GPC6: variants seen among roughly 807,000 people sequenced by gnomAD.
GPC6 encodes glypican 6, also known as glypican-6.
A neutral mutation model predicts 55.2 loss-of-function variants in GPC6; 14 were observed. The observed-to-expected ratio is 0.25, with a 90% CI of 0.17 to 0.40. The LOEUF is 0.40. Ranked by LOEUF, GPC6 falls within the 10% of genes least tolerant of loss-of-function variation. GPC6 has a pLI of 1.00. For synonymous variants in GPC6, 278 were observed against 259.6 expected (o/e 1.07, Z -0.68); for missense variants, 641 against 708.5 (o/e 0.90, Z 1.08).
chr13:93,572,182 C>T (rs553163981), intron 2 of GPC6, among the ~76,000 whole-genome samples: 1 of 152,282 alleles, frequency 6.6e-6, no homozygotes, highest in South Asian at 2.1e-4. Context: ...TGTAGACTTT[C>T]AGGAAGCCCT....
intron 4 of GPC6, among the ~76,000 whole-genome samples, chr13:94,126,365 A>G (rs891413287): frequency 6.6e-6 from 1 of 152,178 alleles, no homozygotes; most frequent in Non-Finnish European, 1.5e-5. Context: ...CCTGAGTGAC[A>G]GAGCAAGACC....
chr13:94,027,579 A>G, intron 3 of GPC6, 150 bp from the exon 4 acceptor site: 1 of 711,262 alleles, frequency 1.4e-6, no homozygotes, highest in Non-Finnish European at 2.4e-6. Flanking sequence ...TGCCAAGCAG[A>G]AGAATTCAAC....
At chr13:93,900,535 T>G (rs1196789861) in intron 3 of GPC6, among the ~76,000 whole-genome samples, 1 of 152,154 alleles carries the variant, frequency 6.6e-6, no homozygotes, top group Non-Finnish European at 1.5e-5. Context: ...CATAAAGAAA[T>G]CACCAGATGT....
chr13:93,912,542 G>T (rs565241027), intron 3 of GPC6, among the ~76,000 whole-genome samples: 7 of 152,062 alleles, frequency 4.6e-5, no homozygotes, highest in African/African-American at 1.7e-4. Flanking sequence ...AGGAGATCGA[G>T]ACCATCCTGG....
chr13:94,132,485 G>GC (rs1411344402), intron 4 of GPC6, among the ~76,000 whole-genome samples: 9 of 152,136 alleles, frequency 5.9e-5, no homozygotes, highest in African/African-American at 2.2e-4. Flanking sequence ...ATGGAACAGG[G>GC]CATTTTCTCC....
intron 2 of GPC6, among the ~76,000 whole-genome samples, chr13:93,776,071 G>T (rs1885456365): frequency 6.9e-6 from 1 of 144,002 alleles, no homozygotes; most frequent in African/African-American, 2.6e-5. Context: ...CTTTTTTTGG[G>T]GGGTGGGGGG....
At chr13:93,981,914 T>C (rs1312454754) in intron 3 of GPC6, among the ~76,000 whole-genome samples, 2 of 152,196 alleles carry the variant, frequency 1.3e-5, no homozygotes, top group African/African-American at 4.8e-5. Flanking sequence ...TATTCATCCA[T>C]GTGACCCAAT....
intron 4 of GPC6, among the ~76,000 whole-genome samples, chr13:94,165,473 T>A (rs1012581857): frequency 3.3e-5 from 5 of 151,990 alleles, no homozygotes; most frequent in Admixed American, 6.6e-5. Context: ...AATGACACGA[T>A]GGACTTTGGG....
intron 1 of GPC6, among the ~76,000 whole-genome samples, chr13:93,315,841 G>A (rs568897138): frequency 1.5e-4 from 23 of 151,752 alleles, no homozygotes; most frequent in African/African-American, 5.1e-4. Flanking sequence ...TTATCTCTGC[G>A]TACCACTGTT....
At chr13:94,105,900 C>T (rs1218220883) in intron 4 of GPC6, among the ~76,000 whole-genome samples, 2 of 152,046 alleles carry the variant, frequency 1.3e-5, no homozygotes, top group East Asian at 1.9e-4. Context: ...TGCTAAGCAT[C>T]CTACATTGAA....
At chr13:93,678,835 T>C (rs1304622693) in intron 2 of GPC6, among the ~76,000 whole-genome samples, 2 of 152,078 alleles carry the variant, frequency 1.3e-5, no homozygotes, top group Non-Finnish European at 2.9e-5. Flanking sequence ...TCAGAATCAG[T>C]ATGGAATGGA....
chr13:93,310,346 A>G (rs1879022450), intron 1 of GPC6, among the ~76,000 whole-genome samples: 2 of 152,108 alleles, frequency 1.3e-5, no homozygotes, highest in African/African-American at 4.8e-5. Flanking sequence ...GCTTCCTTCT[A>G]CGTCAGTTCC....
intron 1 of GPC6, among the ~76,000 whole-genome samples, chr13:93,386,323 T>C (rs1875404361): frequency 6.6e-6 from 1 of 152,150 alleles, no homozygotes; most frequent in Admixed American, 6.5e-5. Flanking sequence ...TTTAAAATAA[T>C]GTTTATTGTT....
At chr13:93,441,031 T>A (rs1476063529) in intron 1 of GPC6, among the ~76,000 whole-genome samples, 2 of 152,218 alleles carry the variant, frequency 1.3e-5, no homozygotes, top group East Asian at 3.9e-4. Flanking sequence ...AACTCATCAT[T>A]TTTTATGGCT....
intron 3 of GPC6, among the ~76,000 whole-genome samples, chr13:94,015,094 C>A (rs1049543649): frequency 6.6e-6 from 1 of 152,164 alleles, no homozygotes; most frequent in Non-Finnish European, 1.5e-5. Flanking sequence ...TATGTTTAAT[C>A]TTTTGAGGAA....
chr13:93,925,377 T>A (rs897805235), intron 3 of GPC6, among the ~76,000 whole-genome samples: 3 of 152,186 alleles, frequency 2.0e-5, no homozygotes, highest in Non-Finnish European at 4.4e-5. Flanking sequence ...AACTACATAT[T>A]CTTTTTATTC....
intron 2 of GPC6, among the ~76,000 whole-genome samples, chr13:93,736,471 A>G (rs913086214): frequency 1.6e-4 from 25 of 152,224 alleles, no homozygotes; most frequent in African/African-American, 5.8e-4. Flanking sequence ...TGATGAATAG[A>G]ATATTGATTA....
chr13:94,209,490 C>T (rs1236564927), intron 4 of GPC6, among the ~76,000 whole-genome samples: 3 of 152,134 alleles, frequency 2.0e-5, no homozygotes, highest in Non-Finnish European at 4.4e-5. Flanking sequence ...TATTGATCTG[C>T]AACCAGAGTA....
chr13:93,693,373 T>C (rs775057102), intron 2 of GPC6, among the ~76,000 whole-genome samples: 1 of 152,130 alleles, frequency 6.6e-6, no homozygotes, highest in Non-Finnish European at 1.5e-5. Context: ...TAAATAGTAG[T>C]ATGCTCTCCA....
Sources: gnomAD v4.1 joint callset for allele counts (sites outside exome capture counted in the v4.1 genomes callset) on GRCh38, gnomAD v4.1.1 for gene constraint, MANE v1.5 for transcripts, NCBI Gene and HGNC (gene_info 2026-07-23, HGNC 2026-07-21) for gene names.